SPTBN4: variants seen among roughly 807,000 people sequenced by gnomAD.
The protein encoded by SPTBN4 is spectrin beta chain, non-erythrocytic 4.
SPTBN4 carries 96 observed loss-of-function variants against 277.8 expected under a neutral mutation model. The ratio of observed to expected loss-of-function variants is 0.35; its 90% CI spans 0.29 to 0.41. The LOEUF is 0.41. SPTBN4 is among the 10% of genes least tolerant of loss of function. The pLI, the probability that SPTBN4 is intolerant of heterozygous loss-of-function variation, is 1.00. For missense variants in SPTBN4, 3,006 were observed against 3,595.7 expected, an observed-to-expected ratio of 0.84 and a Z score of 4.19; for synonymous variants, 1,481 against 1,580.3, an observed-to-expected ratio of 0.94 and a Z score of 1.49.
chr19:40,560,864 C>A lies in SPTBN4; in HGVS notation c.5915+461C>A. 2.1e-6 allele frequency: 1 copy of A among 475,604 alleles called. No individual in the cohort carries two copies. Among genetic ancestry groups the A allele is most frequent in the Non-Finnish European group, 2.9e-6 (1 of 344,770 alleles). 29.5% of individuals were successfully genotyped at this position (475,604 alleles called of 1,614,324 possible). ...TGATTGGGAGCCAGGGTCCTTCCAT[C>A]ATGCCACCCTGGGAGTCACATGCTG... On this transcript the variant is annotated intron_variant, in intron 27 of 35. Coordinates refer to ENST00000598249, the MANE Select transcript of SPTBN4 (RefSeq NM_020971.3). This position sits in a 1 kb window ranked among gnomAD's most constrained non-coding sequence, Gnocchi z 5.2.
chr19:40,506,095 T>C (rs1599742928), intron 12 of SPTBN4, 141 bp from the exon 13 acceptor site: 2 of 1,155,048 alleles, frequency 1.7e-6, no homozygotes, highest in East Asian at 5.0e-5. Flanking sequence ...AAGAGAGTCT[T>C]GAGGCTGGTC....
intron 2 of SPTBN4, among the ~76,000 whole-genome samples, chr19:40,473,516 C>G (rs917340365): frequency 6.6e-6 from 1 of 151,926 alleles, no homozygotes; most frequent in African/African-American, 2.4e-5. Context: ...TGCCACCACG[C>G]CCAGCTAATT....
chr19:40,487,870 G>A, intron 3 of SPTBN4, 22 bp downstream of exon 3: 1 of 1,574,916 alleles, frequency 6.3e-7, no homozygotes, highest in Non-Finnish European at 8.6e-7. Context: ...TGAAGGGCTG[G>A]GGCAGGGGTC....
At chr19:40,529,452 G>T (rs2080637259) in intron 18 of SPTBN4, among the ~76,000 whole-genome samples, 1 of 152,230 alleles carries the variant, frequency 6.6e-6, no homozygotes, top group Admixed American at 6.5e-5. Context: ...CTCTACCCCA[G>T]GAGAGGGGCG....
intron 20 of SPTBN4, among the ~76,000 whole-genome samples, chr19:40,536,380 A>AT (rs1360967336): frequency 2.6e-5 from 4 of 151,958 alleles, no homozygotes; most frequent in Admixed American, 1.3e-4. Context: ...CACCCAGCTA[A>AT]TTTTTTTATT....
Position 40,487,857 on chromosome 19 carries a change from G to T in SPTBN4, c.321+9G>T. The T allele has an allele frequency of 6.3e-7, 1 of 1,592,224 alleles. No homozygotes were observed. Among genetic ancestry groups the T allele is most frequent in the Non-Finnish European group, 8.5e-7 (1 of 1,170,492 alleles). On this transcript the variant is annotated intron_variant, in intron 3 of 35. Coordinates refer to ENST00000598249, the MANE Select transcript of SPTBN4 (RefSeq NM_020971.3). ...TGTCTGGGGAGCAGCTGGTGAGGGG[G>T]CCTGAAGGGCTGGGGCAGGGGTCCT...
chr19:40,485,502 G>C (rs2080061184), intron 2 of SPTBN4, among the ~76,000 whole-genome samples: 1 of 152,258 alleles, frequency 6.6e-6, no homozygotes, highest in African/African-American at 2.4e-5. Flanking sequence ...AGATAGTAGA[G>C]ATGATAAAAA....
intron 6 of SPTBN4, among the ~76,000 whole-genome samples, chr19:40,495,279 C>T (rs527584112): frequency 3.3e-5 from 5 of 152,196 alleles, no homozygotes; most frequent in African/African-American, 7.2e-5. Context: ...ACAGCCTGCC[C>T]GCAGGGTAGG....
chr19:40,566,457 G>T (rs1433723232), intron 30 of SPTBN4, 98 bp downstream of exon 30: 16 of 1,183,394 alleles, frequency 1.4e-5, no homozygotes, highest in Non-Finnish European at 1.8e-5. Context: ...ATGGTGCTTG[G>T]TCCTGTGTTG....
rs56708259 is a variant in SPTBN4, at chr19:40,492,041, C to CAA, written c.496-912_496-911dup. 3.5e-3 allele frequency among the ~76,000 whole-genome samples: 489 copies of CAA among 139,814 alleles called. 1 individual carries two copies. The highest frequency in any genetic ancestry group is 0.022 in the South Asian group (101 of 4,534). 91.7% of individuals were successfully genotyped at this position (139,814 alleles called of 152,430 possible). A position where few individuals can be genotyped will look rare whatever the true frequency, so the allele number is the denominator to read the frequency against. On this transcript the variant is annotated intron_variant, in intron 4 of 35. Transcript: ENST00000598249. ...CCATCTAAAAAAAACAAAAACAAAA[C>CAA]AAAAAAAAAAACAAAGAAAGATCCC...
At chr19:40,528,679 T>C (rs2080624243) in intron 17 of SPTBN4, among the ~76,000 whole-genome samples, 1 of 152,148 alleles carries the variant, frequency 6.6e-6, no homozygotes, top group South Asian at 2.1e-4. Context: ...TCTCGCTCTC[T>C]TTCTGGTGTC....
chr19:40,519,828 G>T lies in SPTBN4; in HGVS notation c.3331G>T (p.Ala1111Ser). The T allele has an allele frequency of 5.6e-6, 8 of 1,434,106 alleles. No homozygotes were observed. The African/African-American group carries it at 6.0e-5, about 11-fold the overall frequency. The allele number at this position is 1,434,106 out of a possible 1,614,324, so 88.8% of individuals were successfully genotyped here. ...LDWLVRAQEAAGGSEGPLPNS... is the reference protein window; with the variant it reads ...LDWLVRAQEASGGSEGPLPNS... ...CTGGCTCGTGCGCGCCCAGGAGGCG[G>T]CGGGCGGCAGCGAGGGGCCCCTGCC... Residue 1111 changes from alanine (A) to serine (S), a missense_variant, in exon 16 of 36, where the codon GCG (alanine) becomes TCG (serine). Ala to Ser is a moderately conservative substitution (Grantham distance 99). Transcript: ENST00000598249. This position sits in a 1 kb window ranked among gnomAD's most constrained non-coding sequence, Gnocchi z 5.7.
chr19:40,516,316 C>T (rs2145871689), intron 15 of SPTBN4, among the ~76,000 whole-genome samples: 2 of 151,428 alleles, frequency 1.3e-5, no homozygotes, highest in East Asian at 3.9e-4. Context: ...CTCTCTCTCT[C>T]TTTTGAGACA....
chr19:40,527,986 G>A (rs2080613354), intron 17 of SPTBN4, among the ~76,000 whole-genome samples: 1 of 151,226 alleles, frequency 6.6e-6, no homozygotes, highest in South Asian at 2.1e-4. Context: ...AACCTGGGGG[G>A]TGGAGGTTGT....
In SPTBN4 at chr19:40,560,970, C is replaced by T. The variant is rs114246579; in HGVS notation, c.5915+567C>T. Among the ~76,000 whole-genome samples the T allele has an allele frequency of 0.044, 6,738 of 152,236 alleles. 478 individuals carry two copies. The highest frequency in any genetic ancestry group is 0.15 in the African/African-American group (6,193 of 41,532). On this transcript the variant is annotated intron_variant, in intron 27 of 35. Transcript: ENST00000598249. The surrounding 1 kb of genome is among the most constrained non-coding windows in gnomAD (Gnocchi z 5.2). ...GTTTTAGGGATAAAGCCGGCACCCA[C>T]ACACTGCCAGCCCGGTGGCCTAACC...
At chr19:40,544,820 CTTTTTTA>C (rs2080841725) in intron 20 of SPTBN4, among the ~76,000 whole-genome samples, 1 of 151,766 alleles carries the variant, frequency 6.6e-6, no homozygotes, top group African/African-American at 2.4e-5. Flanking sequence ...CCATTTTACT[CTTTTTTA>C]TTTTTTATTT....
chr19:40,482,288 G>A (rs957473786), intron 2 of SPTBN4, among the ~76,000 whole-genome samples: 3 of 150,922 alleles, frequency 2.0e-5, no homozygotes, highest in Admixed American at 2.0e-4. Flanking sequence ...CAAGGCTGGT[G>A]TGGAACTCCT....
chr19:40,494,464 TTC>T (rs975782758), intron 5 of SPTBN4, among the ~76,000 whole-genome samples: 18 of 151,792 alleles, frequency 1.2e-4, no homozygotes, highest in African/African-American at 4.4e-4. Flanking sequence ...TTTCTTTTGC[TTC>T]TCTTTTTCTC....
At chr19:40,495,060 T>C in intron 6 of SPTBN4, 83 bp downstream of exon 6, 2 of 1,308,688 alleles carry the variant, frequency 1.5e-6, no homozygotes, top group Non-Finnish European at 2.2e-6. Flanking sequence ...TGTACTTGTG[T>C]AGATGGCACA....
Sources: allele counts gnomAD v4.1 joint callset (sites outside exome capture counted in the v4.1 genomes callset), GRCh38; gene constraint gnomAD v4.1.1; non-coding constraint Gnocchi (gnomAD v3.1); transcripts MANE v1.5; gene names NCBI Gene and HGNC (gene_info 2026-07-23, HGNC 2026-07-21).